The following UGT2B7 variants were observed in gnomAD, a reference collection of about 807,000 sequenced individuals.
The protein encoded by UGT2B7 is UDP glucuronosyltransferase family 2 member B7.
In UGT2B7, 51 loss-of-function variants were observed where a neutral mutation model predicts 51.9. The observed-to-expected ratio is 0.98, with a 90% confidence interval of 0.78 to 1.24. The LOEUF (loss-of-function observed/expected upper bound fraction) is 1.24, where lower values mean the gene tolerates loss of function less well. UGT2B7 is among the 50% of genes most tolerant of loss of function. The probability of loss-of-function intolerance (pLI) is 0.00; values close to 1 mark genes in which losing one functional copy is unlikely to be tolerated. For missense variants in UGT2B7, 727 were observed against 628.4 expected (o/e 1.16, Z -1.68); for synonymous variants, 225 against 211.6 (o/e 1.06, Z -0.55).
chr4:69,064,721 T>C (rs926499511), intron 1 of UGT2B7, among the ~76,000 whole-genome samples: 1 of 152,200 alleles, frequency 6.6e-6, no homozygotes, highest in Non-Finnish European at 1.5e-5. Context: ...TTAAGTCAGC[T>C]GAGTCTGAGT....
chr4:69,083,744 T>G (rs548044172), intron 1 of UGT2B7, among the ~76,000 whole-genome samples: 8 of 152,100 alleles, frequency 5.3e-5, no homozygotes, highest in Non-Finnish European at 1.0e-4. Context: ...ATCTTCTGCC[T>G]TTACTGGATT....
Position 69,107,167 on chromosome 4 carries a change from T to C in UGT2B7, c.1003-8T>C. 2 of 1,605,352 alleles carry C rather than the reference T, an allele frequency of 1.2e-6. No homozygotes were observed. The highest frequency in any genetic ancestry group is 1.7e-6 in the Non-Finnish European group (2 of 1,175,442). ...TCATGGAATAAAATATTTTCTTTATTGTAACAGGTTCTGTGGAGATTTGAT... is the reference window on the plus strand; with the variant it reads ...TCATGGAATAAAATATTTTCTTTATCGTAACAGGTTCTGTGGAGATTTGAT... On this transcript the variant is annotated splice_region_variant and splice_polypyrimidine_tract_variant and intron_variant, in intron 3 of 5. Coordinates refer to ENST00000305231, the MANE Select transcript of UGT2B7 (RefSeq NM_001074.4).
rs757620685 is a variant in UGT2B7, at chr4:69,107,226, C to T, written c.1054C>T (p.Arg352Trp). Reference protein sequence around the residue: ...NKPDTLGLNTRLYKWIPQNDL... With the variant: ...NKPDTLGLNTWLYKWIPQNDL... ...ACCAGATACCTTAGGTCTCAATACT[C>T]GGCTCTACAAGTGGATACCCCAGAA... The change falls in exon 4 of 6, where the codon CGG (arginine) becomes TGG (tryptophan). Residue 352 changes from arginine (R) to tryptophan (W), a missense_variant. By Grantham distance (101) the Arg-to-Trp change is moderately radical. Coordinates refer to ENST00000305231, the MANE Select transcript of UGT2B7 (RefSeq NM_001074.4). 1.1e-5 allele frequency: 17 copies of T among 1,609,610 alleles called. No homozygotes were observed. In the East Asian group the frequency reaches 1.3e-4, roughly 13 times the overall value.
chr4:69,074,628 T>A (rs2109870236), intron 1 of UGT2B7, among the ~76,000 whole-genome samples: 1 of 152,056 alleles, frequency 6.6e-6, no homozygotes, highest in African/African-American at 2.4e-5. Context: ...TCACAATATT[T>A]AAAATTGCCT....
At position 69,098,682 on chromosome 4, in the gene UGT2B7, G is replaced by C. The variant is rs1437235396; in HGVS notation, c.864G>C (p.Leu288=). ...GGLHCKPAKP[L]PKEMEDFVQS... ...TCCACTGCAAACCTGCCAAACCCCT[G>C]CCTAAGGTAAACATACTTTTGTTGG... Residue 288 remains leucine (L), a synonymous_variant, in exon 2 of 6, where the codon CTG becomes CTC. Transcript: ENST00000305231. The C allele has an allele frequency of 6.2e-7, 1 of 1,609,152 alleles. No homozygotes were observed. The highest frequency in any genetic ancestry group is 1.7e-5 in the Admixed American group (1 of 58,504).
intron 1 of UGT2B7, among the ~76,000 whole-genome samples, chr4:69,087,569 T>C (rs1054860790): frequency 4.6e-5 from 7 of 152,036 alleles, no homozygotes; most frequent in Non-Finnish European, 1.0e-4. Context: ...CATGTGAGTG[T>C]CCTTTTCTTT....
chr4:69,064,041 AAAG>A (rs1718418672), intron 1 of UGT2B7, among the ~76,000 whole-genome samples: 2 of 100,326 alleles, frequency 2.0e-5, no homozygotes, highest in African/African-American at 1.1e-4. Flanking sequence ...AGAAAGAAAG[AAAG>A]AAAGAAAGAA....
chr4:69,073,519 G>A (rs1273552610), intron 1 of UGT2B7, among the ~76,000 whole-genome samples: 1 of 152,088 alleles, frequency 6.6e-6, no homozygotes, highest in Non-Finnish European at 1.5e-5. Context: ...AAAAAACAAG[G>A]TTGATAAAGG....
At chr4:69,110,497 T>C (rs1007593998) in intron 5 of UGT2B7, among the ~76,000 whole-genome samples, 1 of 152,040 alleles carries the variant, frequency 6.6e-6, no homozygotes, top group African/African-American at 2.4e-5. Context: ...GAATTATCAA[T>C]ATTGTCCAAA....
chr4:69,078,849 T>A (rs1250827199), intron 1 of UGT2B7, among the ~76,000 whole-genome samples: 1 of 152,032 alleles, frequency 6.6e-6, no homozygotes, highest in Non-Finnish European at 1.5e-5. Flanking sequence ...ACTGGGGCAA[T>A]AGGAGTCTGC....
rs1719815144 is a variant in UGT2B7, at chr4:69,112,686, T to C, written c.1540T>C (p.Phe514Leu). ...ATTTATCGTCACAAAATGTTGTCTGTTTTGTTTCTGGAAGTTTGCTAGAAA... is the reference window on the plus strand; with the variant it reads ...ATTTATCGTCACAAAATGTTGTCTGCTTTGTTTCTGGAAGTTTGCTAGAAA... ...VIFIVTKCCL[F>L]CFWKFARKAK... Residue 514 changes from phenylalanine (F) to leucine (L), a missense_variant, in exon 6 of 6, where the codon TTT becomes CTT. Phe to Leu is a conservative substitution (Grantham distance 22). Coordinates refer to ENST00000305231, the MANE Select transcript of UGT2B7 (RefSeq NM_001074.4). 62 of 1,613,962 alleles carry C rather than the reference T, an allele frequency of 3.8e-5. No individual in the cohort carries two copies. Among genetic ancestry groups the C allele is most frequent in the Non-Finnish European group, 5.1e-5 (60 of 1,179,862 alleles).
At chr4:69,065,133 C>T (rs1188850270) in intron 1 of UGT2B7, among the ~76,000 whole-genome samples, 1 of 152,088 alleles carries the variant, frequency 6.6e-6, no homozygotes, top group Admixed American at 6.5e-5. Context: ...GGAGTTTAGG[C>T]TTTCCATGTA....
intron 1 of UGT2B7, among the ~76,000 whole-genome samples, chr4:69,087,660 A>G (rs1466230810): frequency 6.6e-6 from 1 of 151,952 alleles, no homozygotes; most frequent in East Asian, 1.9e-4. Context: ...TGTTTCGGAA[A>G]ATGTTATCAC....
chr4:69,066,452 A>G (rs947035989), intron 1 of UGT2B7: 7 of 152,106 alleles, frequency 4.6e-5, no homozygotes, highest in Non-Finnish European at 7.4e-5. Flanking sequence ...ATTCACCTAT[A>G]TAGTGGGTAG....
chr4:69,112,526 A>G lies in UGT2B7; in HGVS notation c.1380A>G (p.Ala460=). 1 of 1,613,860 alleles carries G rather than the reference A, an allele frequency of 6.2e-7. No homozygotes were observed. Among genetic ancestry groups the G allele is most frequent in the Admixed American group, 1.7e-5 (1 of 59,990 alleles). Residue 460 remains alanine (A), a synonymous_variant, in exon 6 of 6, where the codon GCA becomes GCG. Coordinates refer to ENST00000305231, the MANE Select transcript of UGT2B7 (RefSeq NM_001074.4). ...AACCAGTGAAGCCCCTGGATCGAGC[A>G]GTCTTCTGGATTGAATTTGTCATGC... is the stretch of plus-strand genomic sequence containing the variant. ...HDQPVKPLDR[A]VFWIEFVMRH... is the part of the protein sequence containing the mutation.
intron 1 of UGT2B7, among the ~76,000 whole-genome samples, chr4:69,086,203 T>G (rs969448560): frequency 6.6e-6 from 1 of 151,886 alleles, no homozygotes; most frequent in Non-Finnish European, 1.5e-5. Flanking sequence ...TCTTTCCATT[T>G]TTATTTTTGT....
intron 3 of UGT2B7, among the ~76,000 whole-genome samples, chr4:69,106,212 T>C (rs929112615): frequency 1.3e-5 from 2 of 152,090 alleles, no homozygotes; most frequent in South Asian, 2.1e-4. Context: ...CACCCAGATA[T>C]TAAGGCTAAA....
At chr4:69,058,859 T>A (rs1378046651) in intron 1 of UGT2B7, among the ~76,000 whole-genome samples, 1 of 152,096 alleles carries the variant, frequency 6.6e-6, no homozygotes. Flanking sequence ...GGTGGCGTGA[T>A]GTGGGCATGG....
At chr4:69,064,114 A>AAAGAAAGAAAGAAAGAAAGAAAGAAAG (rs1560499815) in intron 1 of UGT2B7, among the ~76,000 whole-genome samples, 20 of 123,126 alleles carry the variant, frequency 1.6e-4, no homozygotes, top group African/African-American at 6.4e-4. Context: ...AAGAAAGAAA[A>AAAGAAAGAAAGAAAGAAAGAAAGAAAG]AGAAAGAAAG....
Sources: gnomAD v4.1 joint callset for allele counts (sites outside exome capture counted in the v4.1 genomes callset) on GRCh38, gnomAD v4.1.1 for gene constraint, MANE v1.5 for transcripts, NCBI Gene and HGNC (gene_info 2026-07-23, HGNC 2026-07-21) for gene names.